Variants in AGBL3 observed in about 807,000 individuals in gnomAD.
AGBL3 encodes the protein AGBL carboxypeptidase 3, also known as cytosolic carboxypeptidase 3.
A neutral mutation model predicts 94.5 loss-of-function variants in AGBL3; 68 were observed. That is an observed-to-expected ratio of 0.72 (90% confidence interval 0.59 to 0.88). The LOEUF (loss-of-function observed/expected upper bound fraction) is 0.88. Ranked by LOEUF, AGBL3 falls within the 40% of genes least tolerant of loss-of-function variation. The pLI, the probability that AGBL3 is intolerant of heterozygous loss-of-function variation, is 0.00. For missense variants in AGBL3, 934 were observed against 1,103.8 expected (o/e 0.85, Z 2.18); for synonymous variants, 354 against 370.7 (o/e 0.95, Z 0.52).
At chr7:135,032,752 T>C in intron 5 of AGBL3, 92 bp from the exon 6 acceptor site, 4 of 1,215,286 alleles carry the variant, frequency 3.3e-6, no homozygotes, top group Non-Finnish European at 4.3e-6. Context: ...TTTACAATCC[T>C]TACACTTGTA....
At chr7:135,002,712 T>C (rs1414970277) in intron 4 of AGBL3, among the ~76,000 whole-genome samples, 1 of 152,224 alleles carries the variant, frequency 6.6e-6, no homozygotes, top group African/African-American at 2.4e-5. Flanking sequence ...ATCTGAGTGC[T>C]GCACAATGAG....
chr7:135,039,103 A>G (rs937679691), intron 8 of AGBL3, among the ~76,000 whole-genome samples: 1 of 152,254 alleles, frequency 6.6e-6, no homozygotes, highest in African/African-American at 2.4e-5. Flanking sequence ...TCTACTAAAC[A>G]GCAGAATACA....
At chr7:135,126,984 A>G (rs1326138623) in intron 16 of AGBL3, among the ~76,000 whole-genome samples, 1 of 152,226 alleles carries the variant, frequency 6.6e-6, no homozygotes, top group Non-Finnish European at 1.5e-5. Flanking sequence ...CAAAACACCA[A>G]AAGCAATTGC....
intron 8 of AGBL3, among the ~76,000 whole-genome samples, chr7:135,041,485 A>G (rs530751746): frequency 1.3e-5 from 2 of 152,208 alleles, no homozygotes; most frequent in Non-Finnish European, 2.9e-5. Flanking sequence ...ACAAAGGTGC[A>G]CAGGAAATTT....
At chr7:135,123,527 C>T (rs551202516) in intron 16 of AGBL3, among the ~76,000 whole-genome samples, 48 of 152,092 alleles carry the variant, frequency 3.2e-4, no homozygotes, top group Non-Finnish European at 6.0e-4. Context: ...TATGCAAATT[C>T]AGGAAATACA....
intron 11 of AGBL3, among the ~76,000 whole-genome samples, chr7:135,050,552 G>T (rs1208147099): frequency 7.1e-3 from 1 of 140 alleles, no homozygotes; most frequent in African/African-American, 0.028. Context: ...GTATTTAGGT[G>T]CTCTGATGTT....
chr7:135,122,218 A>C (rs1157888869), intron 16 of AGBL3, among the ~76,000 whole-genome samples: 2 of 152,182 alleles, frequency 1.3e-5, no homozygotes, highest in Non-Finnish European at 2.9e-5. Flanking sequence ...GAGGCTGAAC[A>C]GCTTGGTTCC....
intron 15 of AGBL3, among the ~76,000 whole-genome samples, chr7:135,085,050 G>A (rs1821225012): frequency 6.6e-6 from 1 of 151,990 alleles, no homozygotes; most frequent in African/African-American, 2.4e-5. Context: ...ACAGATATGA[G>A]ACCATATCTC....
intron 16 of AGBL3, among the ~76,000 whole-genome samples, chr7:135,126,291 G>A (rs933262314): frequency 2.0e-5 from 3 of 152,014 alleles, no homozygotes; most frequent in South Asian, 2.1e-4. Context: ...TCCCATTCAC[G>A]ATTGCTACAA....
chr7:135,016,133 T>A (rs1332796308), intron 4 of AGBL3, among the ~76,000 whole-genome samples: 1 of 152,138 alleles, frequency 6.6e-6, no homozygotes, highest in Non-Finnish European at 1.5e-5. Flanking sequence ...TTTTATTAGT[T>A]CATTAATTTT....
intron 11 of AGBL3, 79 bp from the exon 12 acceptor site, chr7:135,059,090 A>G (rs1818595948): frequency 9.0e-7 from 1 of 1,114,124 alleles, no homozygotes; most frequent in Admixed American, 2.3e-5. Flanking sequence ...AACCATTCAA[A>G]TAAGATAAAT....
At chr7:134,994,470 C>T (rs1465881568) in intron 4 of AGBL3, among the ~76,000 whole-genome samples, 1 of 151,958 alleles carries the variant, frequency 6.6e-6, no homozygotes, top group African/African-American at 2.4e-5. Flanking sequence ...CTCTCCAATC[C>T]GTGCACAGGC....
intron 5 of AGBL3, among the ~76,000 whole-genome samples, chr7:135,020,981 A>G (rs1183901224): frequency 6.6e-6 from 1 of 151,788 alleles, no homozygotes; most frequent in East Asian, 1.9e-4. Flanking sequence ...TGGGTGCAGC[A>G]CACCAACATG....
intron 15 of AGBL3, chr7:135,092,712 CA>C (rs1180847978): frequency 6.6e-6 from 1 of 151,982 alleles, no homozygotes; most frequent in Admixed American, 6.6e-5. Context: ...GTTAAGATTT[CA>C]GGGGCCAAAT....
At chr7:135,001,841 G>A (rs574972799) in intron 4 of AGBL3, among the ~76,000 whole-genome samples, 1 of 152,324 alleles carries the variant, frequency 6.6e-6, no homozygotes, top group African/African-American at 2.4e-5. Flanking sequence ...CATAATAACT[G>A]AGAGATTGTA....
chr7:135,100,558 T>A (rs1823682063), intron 15 of AGBL3, among the ~76,000 whole-genome samples: 1 of 152,206 alleles, frequency 6.6e-6, no homozygotes, highest in African/African-American at 2.4e-5. Context: ...GCTTCTCTTC[T>A]AAGAACTCAG....
intron 15 of AGBL3, among the ~76,000 whole-genome samples, chr7:135,091,692 C>A (rs1431373407): frequency 6.6e-6 from 1 of 152,128 alleles, no homozygotes; most frequent in Non-Finnish European, 1.5e-5. Flanking sequence ...ATCCTCTGAC[C>A]CTGACATTTA....
intron 4 of AGBL3, among the ~76,000 whole-genome samples, chr7:134,994,867 T>C (rs1255026253): frequency 6.6e-6 from 1 of 152,206 alleles, no homozygotes; most frequent in Non-Finnish European, 1.5e-5. Flanking sequence ...ATCACTTCCT[T>C]ACACATCTCT....
intron 5 of AGBL3, among the ~76,000 whole-genome samples, chr7:135,021,208 G>A (rs534352954): frequency 1.5e-4 from 23 of 151,730 alleles, no homozygotes; most frequent in Non-Finnish European, 3.2e-4. Flanking sequence ...TATTGATATT[G>A]TAGCTTTATC....
Sources: allele counts gnomAD v4.1 joint callset (sites outside exome capture counted in the v4.1 genomes callset), GRCh38; gene constraint gnomAD v4.1.1; transcripts MANE v1.5; gene names NCBI Gene and HGNC (gene_info 2026-07-23, HGNC 2026-07-21).